PRKN: variants seen among roughly 807,000 people sequenced by gnomAD.
The protein encoded by PRKN is E3 ubiquitin-protein ligase parkin.
A neutral mutation model predicts 59.5 loss-of-function variants in PRKN; 56 were observed. That is an observed-to-expected ratio of 0.94 (90% CI 0.76 to 1.18). The LOEUF (loss-of-function observed/expected upper bound fraction) is 1.18, where lower values mean the gene tolerates loss of function less well. Among genes scored for constraint, PRKN ranks in the 50% most tolerant of loss-of-function variants. PRKN has a pLI of 0.00. For synonymous variants in PRKN, 250 were observed against 222.1 expected, an observed-to-expected ratio of 1.13 and a Z score of -1.12; for missense variants, 657 against 596.4, an observed-to-expected ratio of 1.10 and a Z score of -1.06.
chr6:162,560,347 G>A (rs1583805460), intron 1 of PRKN, among the ~76,000 whole-genome samples: 1 of 152,246 alleles, frequency 6.6e-6, no homozygotes, highest in East Asian at 1.9e-4. Flanking sequence ...CAAAAGAGCA[G>A]ACATCAATTA....
chr6:162,409,578 A>T (rs914512403), intron 2 of PRKN, among the ~76,000 whole-genome samples: 1 of 152,204 alleles, frequency 6.6e-6, no homozygotes, highest in Non-Finnish European at 1.5e-5. Context: ...AATATTAGCA[A>T]ATAGAATCAT....
intron 6 of PRKN, among the ~76,000 whole-genome samples, chr6:161,891,648 A>C (rs1378990438): frequency 1.3e-5 from 2 of 152,180 alleles, no homozygotes; most frequent in Non-Finnish European, 2.9e-5. Flanking sequence ...AGGACTCCAA[A>C]TTGTGGCCAG....
chr6:161,696,933 T>C (rs1323592939), intron 7 of PRKN, among the ~76,000 whole-genome samples: 1 of 152,200 alleles, frequency 6.6e-6, no homozygotes, highest in Admixed American at 6.5e-5. Context: ...AAAGAGAACA[T>C]GTAAGCCCTA....
chr6:161,725,060 T>C (rs1350378276), intron 7 of PRKN, among the ~76,000 whole-genome samples: 8 of 152,168 alleles, frequency 5.3e-5, no homozygotes, highest in Admixed American at 5.2e-4. Flanking sequence ...TGAGTCAAAG[T>C]TCCTTGAGGC....
chr6:161,666,809 C>G (rs772936532), intron 7 of PRKN, among the ~76,000 whole-genome samples: 2 of 152,124 alleles, frequency 1.3e-5, no homozygotes, highest in Non-Finnish European at 2.9e-5. Context: ...TGAGAGGCGT[C>G]AGAACACTCC....
At chr6:162,721,316 A>T (rs1778934700) in intron 1 of PRKN, among the ~76,000 whole-genome samples, 2 of 152,226 alleles carry the variant, frequency 1.3e-5, no homozygotes, top group Admixed American at 1.3e-4. Context: ...TGCTGGCACT[A>T]GTGTAACTAT....
intron 7 of PRKN, among the ~76,000 whole-genome samples, chr6:161,675,917 A>G (rs558860527): frequency 2.0e-4 from 31 of 152,362 alleles, no homozygotes; most frequent in African/African-American, 6.5e-4. Flanking sequence ...TTGAAATGTA[A>G]ATAGTGTTTG....
At chr6:162,465,757 T>C (rs944777235) in intron 1 of PRKN, among the ~76,000 whole-genome samples, 1 of 152,194 alleles carries the variant, frequency 6.6e-6, no homozygotes, top group East Asian at 1.9e-4. Context: ...AAATATATTA[T>C]ATGATAATTA....
intron 7 of PRKN, among the ~76,000 whole-genome samples, chr6:161,664,105 G>A (rs1456262831): frequency 6.6e-6 from 1 of 152,180 alleles, no homozygotes; most frequent in Non-Finnish European, 1.5e-5. Flanking sequence ...CTTCTCCAAT[G>A]CATGGAAGTC....
At chr6:162,324,162 T>C (rs1192325063) in intron 2 of PRKN, among the ~76,000 whole-genome samples, 1 of 152,068 alleles carries the variant, frequency 6.6e-6, no homozygotes, top group East Asian at 1.9e-4. Context: ...AATAATTATG[T>C]TTAATAAAAC....
At chr6:161,501,109 G>A (rs1282853108) in intron 9 of PRKN, among the ~76,000 whole-genome samples, 7 of 151,978 alleles carry the variant, frequency 4.6e-5, no homozygotes, top group East Asian at 3.9e-4. Flanking sequence ...TCCTGACCTC[G>A]TGATCTGCCT....
intron 3 of PRKN, among the ~76,000 whole-genome samples, chr6:162,257,738 G>A (rs573232259): frequency 9.2e-5 from 14 of 152,216 alleles, no homozygotes; most frequent in Admixed American, 7.9e-4. Flanking sequence ...GGTATGGCCC[G>A]TTCGCGATGT....
At chr6:161,905,594 T>C (rs751975888) in intron 6 of PRKN, among the ~76,000 whole-genome samples, 6 of 152,168 alleles carry the variant, frequency 3.9e-5, no homozygotes, top group Non-Finnish European at 7.3e-5. Context: ...TTCCAAGCTG[T>C]CTTTCTGGAA....
intron 1 of PRKN, among the ~76,000 whole-genome samples, chr6:162,486,926 C>T (rs148809723): frequency 2.9e-3 from 447 of 152,006 alleles, no homozygotes; most frequent in African/African-American, 4.2e-3. Flanking sequence ...AAAAATTAGC[C>T]GGGCGTGGTA....
chr6:162,015,400 G>A (rs1782897422), intron 5 of PRKN, among the ~76,000 whole-genome samples: 1 of 152,146 alleles, frequency 6.6e-6, no homozygotes, highest in Non-Finnish European at 1.5e-5. Flanking sequence ...AAAGGTAACT[G>A]CAAAGGGAAA....
At chr6:161,838,962 G>A (rs1026576800) in intron 6 of PRKN, among the ~76,000 whole-genome samples, 12 of 152,170 alleles carry the variant, frequency 7.9e-5, no homozygotes, top group African/African-American at 2.2e-4. Flanking sequence ...CCCCACCCAG[G>A]AGCCAATGTG....
chr6:162,689,548 GTTTCTCCAAACTAA>G (rs908593540), intron 1 of PRKN, among the ~76,000 whole-genome samples: 3 of 152,158 alleles, frequency 2.0e-5, no homozygotes, highest in African/African-American at 7.2e-5. Context: ...TATTGAATTA[GTTTCTCCAAACTAA>G]TCTTTTTGGC....
intron 6 of PRKN, among the ~76,000 whole-genome samples, chr6:161,945,873 T>C (rs917336037): frequency 2.6e-5 from 4 of 152,202 alleles, no homozygotes; most frequent in Non-Finnish European, 5.9e-5. Context: ...CCGAAATGGA[T>C]GAGCCTTCTT....
chr6:162,551,408 C>A (rs1215530681), intron 1 of PRKN, among the ~76,000 whole-genome samples: 1 of 152,132 alleles, frequency 6.6e-6, no homozygotes, highest in Non-Finnish European at 1.5e-5. Context: ...AGAATAACTC[C>A]TTTTCTCTAA....
Sources: gnomAD v4.1 joint callset for allele counts (sites outside exome capture counted in the v4.1 genomes callset) on GRCh38, gnomAD v4.1.1 for gene constraint, MANE v1.5 for transcripts, NCBI Gene and HGNC (gene_info 2026-07-23, HGNC 2026-07-21) for gene names.